The following CEP170 variants were observed in gnomAD, a reference collection of about 807,000 sequenced individuals.
CEP170 encodes the protein centrosomal protein of 170 kDa.
A neutral mutation model predicts 151.9 loss-of-function variants in CEP170; 21 were observed. The observed-to-expected ratio is 0.14, with a 90% confidence interval of 0.10 to 0.20. The LOEUF is 0.20. Among genes scored for constraint, CEP170 ranks in the 10% least tolerant of loss-of-function variants. CEP170 has a pLI of 1.00. For missense variants in CEP170, 964 were observed against 1,892.9 expected (o/e 0.51, Z 9.11); for synonymous variants, 356 against 648.8 (o/e 0.55, Z 6.86).
intron 17 of CEP170, among the ~76,000 whole-genome samples, chr1:243,131,103 A>G (rs1207177010): frequency 1.3e-5 from 2 of 152,036 alleles, no homozygotes; most frequent in African/African-American, 2.4e-5. Context: ...AAACTGTTAA[A>G]CCATAGACAT....
intron 1 of CEP170, among the ~76,000 whole-genome samples, chr1:243,245,102 T>A (rs544568063): frequency 4.6e-5 from 7 of 152,182 alleles, no homozygotes; most frequent in Non-Finnish European, 1.0e-4. Flanking sequence ...ATGGTGATCC[T>A]AGAATCTGCT....
chr1:243,154,379 T>C (rs1305874758), intron 14 of CEP170, among the ~76,000 whole-genome samples: 5 of 152,250 alleles, frequency 3.3e-5, no homozygotes, highest in Non-Finnish European at 7.3e-5. Flanking sequence ...TTCATAGCCA[T>C]TTGAAAATAC....
chr1:243,253,629 GT>G lies in CEP170; in HGVS notation c.-42+1410del, dbSNP rs2066163669. 3.9e-5 allele frequency among the ~76,000 whole-genome samples: 6 copies of G among 152,128 alleles called. No homozygotes were observed. In the South Asian group the frequency reaches 1.2e-3, roughly 32 times the overall value. ...ACTGTTTCCAGAGCTGAATTCCTAA[GT>G]CTCTGAAGCATACCCAGTTAGGGTT... On this transcript the variant is annotated intron_variant, in intron 1 of 19. Transcript: ENST00000366542.
intron 14 of CEP170, among the ~76,000 whole-genome samples, chr1:243,150,312 G>A (rs1259845265): frequency 1.3e-5 from 2 of 151,968 alleles, no homozygotes; most frequent in Non-Finnish European, 2.9e-5. Context: ...CATCACACCC[G>A]GCTAATTTTT....
chr1:243,155,571 T>C (rs1444559875), intron 14 of CEP170, among the ~76,000 whole-genome samples: 1 of 152,158 alleles, frequency 6.6e-6, no homozygotes, highest in East Asian at 1.9e-4. Flanking sequence ...TACTATAGTA[T>C]CTGCTTGAGT....
At chr1:243,222,586 C>T (rs1475920825) in intron 2 of CEP170, among the ~76,000 whole-genome samples, 1 of 152,032 alleles carries the variant, frequency 6.6e-6, no homozygotes, top group Non-Finnish European at 1.5e-5. Context: ...AACTTGATCA[C>T]CATGTATTAC....
intron 17 of CEP170, among the ~76,000 whole-genome samples, 184 bp from the exon 18 acceptor site, chr1:243,129,637 A>T (rs558600720): frequency 8.5e-5 from 13 of 152,270 alleles, no homozygotes; most frequent in Middle Eastern, 6.8e-3. Flanking sequence ...TATGAGCTCC[A>T]ATTGAATGCT....
In CEP170 at chr1:243,208,231, C is replaced by T. The variant is rs576984996; in HGVS notation, c.274+3655G>A. ...TCACCCTGGTCCAAACCTCCTTTAC[C>T]GTTCACCTGAACTACTGCAATAGCC... On this transcript the variant is annotated intron_variant, in intron 4 of 19. Coordinates refer to ENST00000366542, the MANE Select transcript of CEP170 (RefSeq NM_014812.3). 1.3e-3 allele frequency among the ~76,000 whole-genome samples: 192 copies of T among 152,224 alleles called. 2 individuals are homozygous for T. The highest frequency in any genetic ancestry group is 3.1e-3 in the African/African-American group (129 of 41,522).
intron 7 of CEP170, among the ~76,000 whole-genome samples, chr1:243,192,476 T>C (rs1423970572): frequency 6.6e-6 from 1 of 152,168 alleles, no homozygotes; most frequent in Non-Finnish European, 1.5e-5. Context: ...GCTATTGTCC[T>C]GTTGTTGAAG....
chr1:243,184,783 A>T (rs1295637150), intron 10 of CEP170, among the ~76,000 whole-genome samples: 3 of 151,828 alleles, frequency 2.0e-5, no homozygotes, highest in Non-Finnish European at 4.4e-5. Flanking sequence ...CATCATCTAA[A>T]TAAGTGCATC....
chr1:243,194,129 T>C (rs1289634202), intron 7 of CEP170, among the ~76,000 whole-genome samples: 1 of 150,708 alleles, frequency 6.6e-6, no homozygotes, highest in Non-Finnish European at 1.5e-5. Context: ...GTAGCAAACC[T>C]TGGGCAGGGT....
intron 4 of CEP170, among the ~76,000 whole-genome samples, chr1:243,203,648 A>G (rs1365006029): frequency 6.6e-6 from 1 of 152,184 alleles, no homozygotes; most frequent in Non-Finnish European, 1.5e-5. Flanking sequence ...AAGATCAGAA[A>G]AACATATTTT....
chr1:243,222,236 G>C (rs372853740), intron 2 of CEP170, among the ~76,000 whole-genome samples: 10 of 152,178 alleles, frequency 6.6e-5, no homozygotes, highest in African/African-American at 2.2e-4. Context: ...TATTCAAAGA[G>C]TCCAAAGATT....
chr1:243,147,161 C>T (rs2056602917), intron 14 of CEP170, among the ~76,000 whole-genome samples: 1 of 152,068 alleles, frequency 6.6e-6, no homozygotes, highest in South Asian at 2.1e-4. Context: ...AAAAAAGTAC[C>T]CAGATGTGGC....
intron 1 of CEP170, among the ~76,000 whole-genome samples, chr1:243,244,132 T>C (rs2065129127): frequency 6.6e-6 from 1 of 152,182 alleles, no homozygotes; most frequent in African/African-American, 2.4e-5. Context: ...ATCTGCAATT[T>C]ACTTTGAAAT....
In CEP170 at chr1:243,134,488, C is replaced by T. The variant is rs1204266350; in HGVS notation, c.4319+1655G>A. ...AAGGTACTCTTTACGAAAAGCCAAA[C>T]GTTTTAAACATTCTATTGCTGTTTT... is the stretch of plus-strand genomic sequence containing the variant. On this transcript the variant is annotated intron_variant, in intron 17 of 19. Transcript: ENST00000366542. 2.6e-5 allele frequency among the ~76,000 whole-genome samples: 4 copies of T among 152,082 alleles called. No homozygotes were observed. The East Asian group carries it at 5.8e-4, about 22-fold the overall frequency.
intron 2 of CEP170, among the ~76,000 whole-genome samples, chr1:243,224,534 G>C (rs542165490): frequency 6.6e-6 from 1 of 151,852 alleles, no homozygotes; most frequent in Admixed American, 6.6e-5. Flanking sequence ...ATTCAAAGCC[G>C]TCCTGGGCCT....
In CEP170 at chr1:243,165,574, T is replaced by C. The variant is rs766193702; in HGVS notation, c.2386A>G (p.Thr796Ala). ...QPPEKNSGHS[T>A]SKGDRVAQSE... ...TGTGCCACTCTGTCTCCTTTGCTTGTAGAATGTCCTGAATTTTTTTCTGGA... is the reference window on the plus strand; with the variant it reads ...TGTGCCACTCTGTCTCCTTTGCTTGCAGAATGTCCTGAATTTTTTTCTGGA... The change falls in exon 13 of 20, where the codon ACA becomes GCA. Residue 796 changes from threonine to alanine, a missense_variant. Coordinates refer to ENST00000366542, the MANE Select transcript of CEP170 (RefSeq NM_014812.3). 2.5e-6 allele frequency: 4 copies of C among 1,613,852 alleles called. No homozygotes were observed. In the East Asian group the frequency reaches 8.9e-5, roughly 36 times the overall value.
intron 10 of CEP170, among the ~76,000 whole-genome samples, chr1:243,181,982 G>A (rs190002219): frequency 3.2e-4 from 48 of 152,188 alleles, no homozygotes; most frequent in African/African-American, 1.1e-3. Flanking sequence ...GTTTGTCCCT[G>A]CCAAAACTCA....
Sources: allele counts gnomAD v4.1 joint callset (sites outside exome capture counted in the v4.1 genomes callset), GRCh38; gene constraint gnomAD v4.1.1; transcripts MANE v1.5; gene names NCBI Gene and HGNC (gene_info 2026-07-23, HGNC 2026-07-21).